Variants in SPATA17 observed in about 807,000 individuals in gnomAD.
The protein encoded by SPATA17 is spermatogenesis-associated protein 17.
Under a neutral mutation model 62.2 loss-of-function variants are expected in SPATA17, and 53 were observed. The ratio of observed to expected loss-of-function variants is 0.85; its 90% confidence interval spans 0.68 to 1.07. SPATA17 has a LOEUF of 1.07. Among genes scored for constraint, SPATA17 ranks in the 50% least tolerant of loss-of-function variants. The probability of loss-of-function intolerance (pLI) is 0.00; values close to 1 mark genes in which losing one functional copy is unlikely to be tolerated. For missense variants in SPATA17, 466 were observed against 425.5 expected, an observed-to-expected ratio of 1.10 and a Z score of -0.84; for synonymous variants, 146 against 146.8, an observed-to-expected ratio of 0.99 and a Z score of 0.04.
chr1:217,654,679 T>C (rs1670395961), intron 3 of SPATA17, among the ~76,000 whole-genome samples: 1 of 152,016 alleles, frequency 6.6e-6, no homozygotes, highest in African/African-American at 2.4e-5. Flanking sequence ...TATGCCCCCT[T>C]ATCTCTCAAT....
chr1:217,792,522 T>C (rs746658359), intron 8 of SPATA17, among the ~76,000 whole-genome samples: 1 of 152,144 alleles, frequency 6.6e-6, no homozygotes, highest in Non-Finnish European at 1.5e-5. Flanking sequence ...CATAAATCTT[T>C]AGCTTTCACT....
At chr1:217,783,326 C>A (rs1673776384) in intron 8 of SPATA17, among the ~76,000 whole-genome samples, 1 of 151,714 alleles carries the variant, frequency 6.6e-6, no homozygotes, top group South Asian at 2.1e-4. Flanking sequence ...TTGAATTATA[C>A]CTTTACACAA....
intron 9 of SPATA17, among the ~76,000 whole-genome samples, chr1:217,812,116 A>G (rs1226852986): frequency 6.6e-6 from 1 of 152,144 alleles, no homozygotes; most frequent in African/African-American, 2.4e-5. Context: ...TACTCTTCCC[A>G]TTATATTTTA....
intron 1 of SPATA17, among the ~76,000 whole-genome samples, chr1:217,638,202 A>G (rs2102875203): frequency 6.6e-6 from 1 of 152,310 alleles, no homozygotes; most frequent in East Asian, 1.9e-4. Flanking sequence ...CATTAAGTAT[A>G]TAAACTGTGT....
intron 6 of SPATA17, among the ~76,000 whole-genome samples, chr1:217,770,470 G>A (rs771891702): frequency 1.3e-5 from 2 of 152,132 alleles, no homozygotes; most frequent in Non-Finnish European, 2.9e-5. Flanking sequence ...ATTAGTAATT[G>A]TGATCTGGGA....
At chr1:217,694,816 T>C (rs1393408240) in intron 5 of SPATA17, among the ~76,000 whole-genome samples, 1 of 143,300 alleles carries the variant, frequency 7.0e-6, no homozygotes, top group Non-Finnish European at 1.5e-5. Context: ...TGTTGAATAT[T>C]GGCCCCCACT....
At chr1:217,632,782 T>C (rs763781744) in intron 1 of SPATA17, among the ~76,000 whole-genome samples, 1 of 152,202 alleles carries the variant, frequency 6.6e-6, no homozygotes, top group African/African-American at 2.4e-5. Flanking sequence ...TAGCTAAACA[T>C]AGAAATTATC....
chr1:217,772,854 T>C (rs1486535132), intron 6 of SPATA17, among the ~76,000 whole-genome samples: 1 of 152,216 alleles, frequency 6.6e-6, no homozygotes, highest in Admixed American at 6.5e-5. Context: ...TGTAATGTGA[T>C]AGGTATTGTG....
intron 4 of SPATA17, among the ~76,000 whole-genome samples, chr1:217,671,971 A>C (rs1332942452): frequency 1.3e-5 from 2 of 152,226 alleles, no homozygotes; most frequent in African/African-American, 4.8e-5. Flanking sequence ...ACTGGCAGAA[A>C]GACCATAAGT....
chr1:217,839,346 G>A (rs60677734), intron 9 of SPATA17, among the ~76,000 whole-genome samples: 9,696 of 152,072 alleles, frequency 0.064, 405 homozygotes, highest in East Asian at 0.15. Context: ...GAAACACCAG[G>A]CTAATTATGG....
chr1:217,659,187 AACACACACACACACAC>A (rs10546517), intron 3 of SPATA17, among the ~76,000 whole-genome samples: 10 of 144,636 alleles, frequency 6.9e-5, no homozygotes, highest in African/African-American at 2.3e-4. Context: ...TGCCCATCAA[AACACACACACACACAC>A]ACACACACAC....
chr1:217,708,701 A>G (rs1671792441), intron 5 of SPATA17, among the ~76,000 whole-genome samples: 2 of 152,182 alleles, frequency 1.3e-5, no homozygotes, highest in Admixed American at 1.3e-4. Flanking sequence ...TCATCTTGAT[A>G]CCTAAACCTG....
intron 6 of SPATA17, among the ~76,000 whole-genome samples, chr1:217,752,317 C>G (rs998837116): frequency 1.3e-5 from 2 of 152,164 alleles, no homozygotes; most frequent in Admixed American, 6.5e-5. Flanking sequence ...CATGAGCCAC[C>G]ACACCTGGCA....
chr1:217,852,279 A>G (rs886231554), intron 9 of SPATA17, among the ~76,000 whole-genome samples: 2 of 152,202 alleles, frequency 1.3e-5, no homozygotes, highest in Non-Finnish European at 2.9e-5. Context: ...CTTAGATACT[A>G]TTTGTGGCAT....
chr1:217,744,541 GGTATTACCATTGTGTTTTAA>G (rs1672704570), intron 6 of SPATA17, among the ~76,000 whole-genome samples: 1 of 151,106 alleles, frequency 6.6e-6, no homozygotes, highest in Non-Finnish European at 1.5e-5. Context: ...TGGATTTTCA[GGTATTACCATTGTGTTTTAA>G]GTATATTTGT....
chr1:217,650,428 T>C (rs1178441751), intron 2 of SPATA17, among the ~76,000 whole-genome samples: 1 of 152,034 alleles, frequency 6.6e-6, no homozygotes, highest in African/African-American at 2.4e-5. Flanking sequence ...TTCTCTCTCT[T>C]TTTTTTGAGA....
intron 9 of SPATA17, among the ~76,000 whole-genome samples, chr1:217,827,978 G>A (rs1675040667): frequency 6.6e-6 from 1 of 152,010 alleles, no homozygotes; most frequent in African/African-American, 2.4e-5. Flanking sequence ...GCAAACCACA[G>A]GGCACACGTT....
At chr1:217,825,468 A>T (rs1337032778) in intron 9 of SPATA17, among the ~76,000 whole-genome samples, 1 of 151,814 alleles carries the variant, frequency 6.6e-6, no homozygotes, top group Non-Finnish European at 1.5e-5. Flanking sequence ...CACTCGTGTA[A>T]AATATTCTAC....
intron 9 of SPATA17, among the ~76,000 whole-genome samples, chr1:217,824,289 T>C (rs1454569104): frequency 1.3e-5 from 2 of 151,980 alleles, no homozygotes; most frequent in African/African-American, 4.8e-5. Flanking sequence ...GAATTTTTAG[T>C]ATTTTATGTT....
Sources: gnomAD v4.1 joint callset for allele counts (sites outside exome capture counted in the v4.1 genomes callset) on GRCh38, gnomAD v4.1.1 for gene constraint, MANE v1.5 for transcripts, NCBI Gene and HGNC (gene_info 2026-07-23, HGNC 2026-07-21) for gene names.